Variants in PHF20L1 observed in about 807,000 individuals in gnomAD.
PHF20L1 encodes PHD finger protein 20-like protein 1.
In PHF20L1, 44 loss-of-function variants were observed where a neutral mutation model predicts 125.5. That is an observed-to-expected ratio of 0.35 (90% confidence interval 0.28 to 0.45). The LOEUF is 0.45. Ranked by LOEUF, PHF20L1 falls within the 20% of genes least tolerant of loss-of-function variation. The pLI, the probability that PHF20L1 is intolerant of heterozygous loss-of-function variation, is 1.00. For missense variants in PHF20L1, 1,012 were observed against 1,217.2 expected (o/e 0.83, Z 2.51); for synonymous variants, 380 against 403.1 (o/e 0.94, Z 0.69).
intron 6 of PHF20L1, 72 bp from the exon 7 acceptor site, chr8:132,803,747 A>G (rs1035062460): frequency 1.0e-5 from 8 of 778,290 alleles, no homozygotes; most frequent in Non-Finnish European, 1.7e-5. Flanking sequence ...AATGTGACAC[A>G]TATTTTTATT....
chr8:132,836,550 T>C lies in PHF20L1; in HGVS notation c.1920T>C (p.Asp640=), dbSNP rs777243439. The C allele has an allele frequency of 2.5e-6, 4 of 1,603,754 alleles. No homozygotes were observed. The African/African-American group carries it at 4.0e-5, about 16-fold the overall frequency. Residue 640 remains aspartate, a synonymous_variant, in exon 16 of 21, where the codon GAT becomes GAC. Transcript: ENST00000395386. ...SVDLSGENLS[D]VDFLDDSSTE... is the part of the protein sequence containing the mutation. ...TTGTATATATTCTAGACTTATCAGA[T>C]GTAGACTTCCTAGATGATTCTTCAA...
intron 8 of PHF20L1, chr8:132,807,716 T>C (rs1262869486): frequency 2.2e-6 from 1 of 455,726 alleles, no homozygotes; most frequent in East Asian, 7.0e-5. Flanking sequence ...CTTATTCGTA[T>C]TGGCAGGAAG....
In PHF20L1 at chr8:132,837,915, A is replaced by G. The variant is rs1386817160; in HGVS notation, c.2191+104A>G. 8 of 749,908 alleles carry G rather than the reference A, an allele frequency of 1.1e-5. 1 individual carries two copies. The East Asian group carries it at 1.9e-4, about 18-fold the overall frequency. The allele number at this position is 749,908 out of a possible 1,614,324, so 46.5% of individuals were successfully genotyped here. Reference sequence around the variant, plus strand: ...CACCACCACTACAGCAAGTTCTCACATGATGTCATTGATAGGTTCTTGGAA... The same window carrying G: ...CACCACCACTACAGCAAGTTCTCACGTGATGTCATTGATAGGTTCTTGGAA... On this transcript the variant is annotated intron_variant, in intron 17 of 20. Coordinates refer to ENST00000395386, the MANE Select transcript of PHF20L1 (RefSeq NM_016018.5).
intron 9 of PHF20L1, 25 bp downstream of exon 9, chr8:132,811,153 T>A: frequency 6.2e-7 from 1 of 1,611,998 alleles, no homozygotes; most frequent in Non-Finnish European, 8.5e-7. Flanking sequence ...CATTTGATTT[T>A]TTTCAAGGTT....
At position 132,821,217 on chromosome 8, in the gene PHF20L1, ATTACATAGATAC is replaced by A. The variant is rs544961335; in HGVS notation, c.1580-2773_1580-2762del. Reference sequence around the variant, plus strand: ...TAGATGCAAGTAAATGTATTTACTTATTACATAGATACTTACATAGATACTATGATACTATCA... The same window carrying A: ...TAGATGCAAGTAAATGTATTTACTTATTACATAGATACTATGATACTATCA... On this transcript the variant is annotated intron_variant, in intron 12 of 20. Coordinates refer to ENST00000395386, the MANE Select transcript of PHF20L1 (RefSeq NM_016018.5). Among the ~76,000 whole-genome samples the A allele has an allele frequency of 5.9e-3, 893 of 152,110 alleles. 4 individuals carry two copies. The highest frequency in any genetic ancestry group is 8.0e-3 in the Non-Finnish European group (545 of 67,950).
intron 1 of PHF20L1, among the ~76,000 whole-genome samples, chr8:132,776,243 T>C (rs1829742131): frequency 6.6e-6 from 1 of 152,200 alleles, no homozygotes; most frequent in Admixed American, 6.5e-5. Context: ...TTCTGGTACT[T>C]CATCCCTAAG....
chr8:132,843,562 C>T, intron 19 of PHF20L1: 1 of 984,410 alleles, frequency 1.0e-6, no homozygotes. Flanking sequence ...TAATTAATAT[C>T]CCATGTGCAA....
chr8:132,825,738 A>G (rs1836102421), intron 14 of PHF20L1, among the ~76,000 whole-genome samples: 1 of 152,086 alleles, frequency 6.6e-6, no homozygotes, highest in Non-Finnish European at 1.5e-5. Flanking sequence ...AGATATTTTT[A>G]GAAGAATTTG....
chr8:132,844,255 C>G lies in PHF20L1; in HGVS notation c.2848C>G (p.His950Asp), dbSNP rs1400667723. 5 of 1,612,734 alleles carry G rather than the reference C, an allele frequency of 3.1e-6. No homozygotes were observed. The highest frequency in any genetic ancestry group is 3.4e-6 in the Non-Finnish European group (4 of 1,179,042). ...HLQWQLNLLT[H>D]IENVQNEVTS... ...TCAGTGGCAGCTCAATCTCCTTACA[C>G]ACATAGAAAATGTGCAGAACGAAGT... Residue 950 changes from histidine (H) to aspartate (D), a missense_variant, in exon 20 of 21, where the codon CAC becomes GAC. Coordinates refer to ENST00000395386, the MANE Select transcript of PHF20L1 (RefSeq NM_016018.5).
intron 14 of PHF20L1, among the ~76,000 whole-genome samples, chr8:132,829,522 CTG>C (rs1291502211): frequency 1.3e-5 from 2 of 151,994 alleles, no homozygotes; most frequent in Admixed American, 6.6e-5. Flanking sequence ...GTTGGGCAAA[CTG>C]TGGTTATGGT....
chr8:132,797,648 C>T (rs1157804275), intron 4 of PHF20L1, among the ~76,000 whole-genome samples: 4 of 151,906 alleles, frequency 2.6e-5, no homozygotes, highest in East Asian at 3.9e-4. Flanking sequence ...CCTTGCTATT[C>T]GCCTGATCAG....
chr8:132,822,974 A>G (rs1433835680), intron 12 of PHF20L1, among the ~76,000 whole-genome samples: 1 of 151,984 alleles, frequency 6.6e-6, no homozygotes, highest in Non-Finnish European at 1.5e-5. Context: ...GATGAACACT[A>G]GCCACAAATA....
chr8:132,825,147 A>C, intron 13 of PHF20L1, 117 bp from the exon 14 acceptor site: 1 of 1,554,398 alleles, frequency 6.4e-7, no homozygotes, highest in Non-Finnish European at 8.8e-7. Context: ...GAACCCATCC[A>C]CTCTGGGCAG....
At chr8:132,843,057 G>T in intron 19 of PHF20L1, 182 bp downstream of exon 19, 1 of 1,327,000 alleles carries the variant, frequency 7.5e-7, no homozygotes. Flanking sequence ...TTGAACATTT[G>T]ATTATCTCCT....
At chr8:132,842,414 A>C (rs1396145858) in intron 18 of PHF20L1, 101 bp from the exon 19 acceptor site, 1 of 1,043,360 alleles carries the variant, frequency 9.6e-7, no homozygotes, top group East Asian at 2.5e-5. Context: ...CTTGAGTCCT[A>C]GATGTCCTCC....
At chr8:132,811,396 C>A in intron 9 of PHF20L1, 1 of 1,133,410 alleles carries the variant, frequency 8.8e-7, no homozygotes, top group Non-Finnish European at 1.1e-6. Context: ...AAGCTTCCAG[C>A]TGGATCACCT....
At chr8:132,832,526 G>C in intron 15 of PHF20L1, 127 bp downstream of exon 15, 1 of 610,072 alleles carries the variant, frequency 1.6e-6, no homozygotes, top group Non-Finnish European at 2.8e-6. Flanking sequence ...TGAAAGTCTT[G>C]ATGTGAGAAA....
At chr8:132,792,340 A>C (rs552071051) in intron 2 of PHF20L1, among the ~76,000 whole-genome samples, 2 of 152,302 alleles carry the variant, frequency 1.3e-5, no homozygotes, top group African/African-American at 4.8e-5. Context: ...CCAGGGCAAC[A>C]AAAACAAAAC....
chr8:132,776,247 C>T (rs1363004972), intron 1 of PHF20L1, among the ~76,000 whole-genome samples: 1 of 152,108 alleles, frequency 6.6e-6, no homozygotes. Context: ...GGTACTTCAT[C>T]CCTAAGTGTC....
Sources: gnomAD v4.1 joint callset for allele counts (sites outside exome capture counted in the v4.1 genomes callset) on GRCh38, gnomAD v4.1.1 for gene constraint, MANE v1.5 for transcripts, NCBI Gene and HGNC (gene_info 2026-07-23, HGNC 2026-07-21) for gene names.